NTRK2: variants seen among roughly 807,000 people sequenced by gnomAD.
NTRK2 encodes BDNF/NT-3 growth factors receptor.
Under a neutral mutation model 94.5 loss-of-function variants are expected in NTRK2, and 13 were observed. The ratio of observed to expected loss-of-function variants is 0.14; its 90% confidence interval spans 0.09 to 0.22. NTRK2 has a LOEUF of 0.22. Among genes scored for constraint, NTRK2 ranks in the 10% least tolerant of loss-of-function variants. NTRK2 has a pLI of 1.00. For synonymous variants in NTRK2, 372 were observed against 407.4 expected, an observed-to-expected ratio of 0.91 and a Z score of 1.05; for missense variants, 639 against 1,071.2, an observed-to-expected ratio of 0.60 and a Z score of 5.63.
At chr9:84,726,442 G>A (rs1039091772) in intron 8 of NTRK2, among the ~76,000 whole-genome samples, 7 of 152,132 alleles carry the variant, frequency 4.6e-5, no homozygotes, top group South Asian at 2.1e-4. Flanking sequence ...AGCTGTGATC[G>A]TGCCACTGCA....
intron 2 of NTRK2, among the ~76,000 whole-genome samples, chr9:84,680,525 C>T (rs957955299): frequency 9.8e-5 from 15 of 152,316 alleles, no homozygotes; most frequent in African/African-American, 3.4e-4. Context: ...CACTCAACCT[C>T]GAGCTTTTTT....
At chr9:84,914,959 C>T (rs73476461) in intron 14 of NTRK2, among the ~76,000 whole-genome samples, 8,850 of 152,102 alleles carry the variant, frequency 0.058, 849 homozygotes, top group African/African-American at 0.2. Flanking sequence ...TTCCACACAC[C>T]GGGAATGAGG....
intron 2 of NTRK2, among the ~76,000 whole-genome samples, chr9:84,694,903 C>A (rs1393498382): frequency 2.6e-5 from 4 of 151,622 alleles, no homozygotes; most frequent in African/African-American, 9.7e-5. Context: ...ATTGGCCGGG[C>A]GCGGTGGCTC....
chr9:84,773,775 C>T (rs1318304141), intron 12 of NTRK2, among the ~76,000 whole-genome samples: 1 of 151,758 alleles, frequency 6.6e-6, no homozygotes, highest in Non-Finnish European at 1.5e-5. Context: ...TTTTTTTTCC[C>T]CTTTCACTTC....
At chr9:84,955,629 C>T (rs758100354) in intron 17 of NTRK2, 112 bp downstream of exon 17, 31 of 883,068 alleles carry the variant, frequency 3.5e-5, no homozygotes, top group Middle Eastern at 2.1e-4. Flanking sequence ...GTGGCTTAAA[C>T]GACAGACATG....
chr9:84,755,472 A>G (rs1301204266), intron 12 of NTRK2, among the ~76,000 whole-genome samples: 1 of 151,844 alleles, frequency 6.6e-6, no homozygotes, highest in African/African-American at 2.4e-5. Flanking sequence ...GTGAGTGACT[A>G]AAGAGAGAAC....
chr9:84,812,276 C>T (rs200550811), intron 12 of NTRK2: 16 of 1,055,698 alleles, frequency 1.5e-5, no homozygotes, highest in Admixed American at 5.4e-5. Flanking sequence ...CCACTAAATA[C>T]GTTATTGCTT....
chr9:84,685,183 C>CA (rs1182550966), intron 2 of NTRK2, among the ~76,000 whole-genome samples: 1 of 151,498 alleles, frequency 6.6e-6, no homozygotes, highest in Non-Finnish European at 1.5e-5. Flanking sequence ...TCAGTATAGC[C>CA]AATCAGTTTC....
At chr9:84,782,747 G>GTACCTCAGCAATACTC (rs1264636747) in intron 12 of NTRK2, among the ~76,000 whole-genome samples, 1 of 152,172 alleles carries the variant, frequency 6.6e-6, no homozygotes. Flanking sequence ...GCATTTGTGA[G>GTACCTCAGCAATACTC]AGATTGCACT....
chr9:84,809,744 T>C (rs1462193875), intron 12 of NTRK2, among the ~76,000 whole-genome samples: 1 of 150,930 alleles, frequency 6.6e-6, no homozygotes, highest in Admixed American at 6.6e-5. Flanking sequence ...TAGCCGCGCG[T>C]GGTGGCACAT....
intron 14 of NTRK2, chr9:84,872,409 TA>T: frequency 9.3e-7 from 1 of 1,080,174 alleles, no homozygotes; most frequent in Non-Finnish European, 1.1e-6. Flanking sequence ...GCAAACACTA[TA>T]GATGTCCTCC....
At chr9:84,690,405 G>A (rs1013734575) in intron 2 of NTRK2, among the ~76,000 whole-genome samples, 1 of 152,176 alleles carries the variant, frequency 6.6e-6, no homozygotes, top group Non-Finnish European at 1.5e-5. Context: ...GCTGTGATTC[G>A]TGATGACTTG....
At chr9:85,006,174 G>A (rs1382022924) in intron 17 of NTRK2, among the ~76,000 whole-genome samples, 1 of 152,156 alleles carries the variant, frequency 6.6e-6, no homozygotes, top group African/African-American at 2.4e-5. Context: ...TACTATAATA[G>A]CTTTTCTTCT....
At chr9:84,740,453 T>C (rs1029181093) in intron 9 of NTRK2, among the ~76,000 whole-genome samples, 2 of 152,286 alleles carry the variant, frequency 1.3e-5, no homozygotes, top group Admixed American at 6.5e-5. Context: ...TCAATGACTT[T>C]GCATACATTG....
rs2118012695 is a variant in NTRK2 at position 85,021,359 on chromosome 9, G to A, written c.2439G>A (p.Arg813=). Residue 813 remains arginine (R), a synonymous_variant, in exon 19 of 19, where the codon AGG becomes AGA. Coordinates refer to ENST00000277120, the MANE Select transcript of NTRK2 (RefSeq NM_006180.6). ...LGCWQREPHM[R]KNIKGIHTLL... is the part of the protein sequence containing the mutation. ...GCTGGCAGCGAGAGCCCCACATGAG[G>A]AAGAACATCAAGGGCATCCATACCC... is the stretch of plus-strand genomic sequence containing the variant. 6.2e-7 allele frequency: 1 copy of A among 1,614,192 alleles called. No homozygotes were observed. Among genetic ancestry groups the A allele is most frequent in the Non-Finnish European group, 8.5e-7 (1 of 1,180,034 alleles).
At chr9:84,910,762 CAT>C (rs1231814266) in intron 14 of NTRK2, among the ~76,000 whole-genome samples, 6 of 152,174 alleles carry the variant, frequency 3.9e-5, no homozygotes, top group African/African-American at 7.2e-5. Context: ...ACCAATAGCA[CAT>C]AGTCTTAATT....
At chr9:84,869,272 G>T (rs2075734816) in intron 14 of NTRK2, among the ~76,000 whole-genome samples, 1 of 151,986 alleles carries the variant, frequency 6.6e-6, no homozygotes. Flanking sequence ...TCAGTTTCTG[G>T]CCTCTACCCA....
chr9:84,897,396 A>G (rs906240941), intron 14 of NTRK2, among the ~76,000 whole-genome samples: 13 of 152,202 alleles, frequency 8.5e-5, no homozygotes, highest in African/African-American at 7.2e-5. Flanking sequence ...CAGCCTCCCA[A>G]AGTGTTGGAA....
intron 8 of NTRK2, 68 bp from the exon 9 acceptor site, chr9:84,727,586 A>G (rs1367471312): frequency 1.4e-6 from 2 of 1,469,660 alleles, no homozygotes; most frequent in African/African-American, 1.4e-5. Flanking sequence ...TATCAATGAC[A>G]CAGACATCTC....
Sources: gnomAD v4.1 joint callset for allele counts (sites outside exome capture counted in the v4.1 genomes callset) on GRCh38, gnomAD v4.1.1 for gene constraint, MANE v1.5 for transcripts, NCBI Gene and HGNC (gene_info 2026-07-23, HGNC 2026-07-21) for gene names.